The following WFDC9 variants were observed in gnomAD, a reference collection of about 807,000 sequenced individuals.
The protein encoded by WFDC9 is protein WFDC9.
Under a neutral mutation model 9.5 loss-of-function variants are expected in WFDC9, and 9 were observed. The ratio of observed to expected loss-of-function variants is 0.95; its 90% CI spans 0.57 to 1.65. The LOEUF (loss-of-function observed/expected upper bound fraction) is 1.65, where lower values mean the gene tolerates loss of function less well. WFDC9 is among the 40% of genes most tolerant of loss of function. WFDC9 has a pLI of 0.00. For missense variants in WFDC9, 87 were observed against 106.7 expected (o/e 0.82, Z 0.81); for synonymous variants, 33 against 32.3 (o/e 1.02, Z -0.07).
chr20:45,623,536 A>C (rs1269500101), intron 1 of WFDC9, among the ~76,000 whole-genome samples: 1 of 151,944 alleles, frequency 6.6e-6, no homozygotes, highest in Non-Finnish European at 1.5e-5. Flanking sequence ...TTGAGGCAGG[A>C]GAATCACTTT....
intron 1 of WFDC9, among the ~76,000 whole-genome samples, chr20:45,629,240 AAT>A (rs1367866478): frequency 6.6e-6 from 1 of 152,236 alleles, no homozygotes; most frequent in African/African-American, 2.4e-5. Context: ...AAATAAAAAT[AAT>A]ATGACATTCT....
chr20:45,614,213 A>G (rs1600918200), intron 2 of WFDC9, among the ~76,000 whole-genome samples: 1 of 152,274 alleles, frequency 6.6e-6, no homozygotes, highest in Admixed American at 6.5e-5. Context: ...CAAGTGTACT[A>G]AATGATCCCA....
chr20:45,621,229 C>T (rs1007389178), intron 1 of WFDC9, among the ~76,000 whole-genome samples: 2 of 152,208 alleles, frequency 1.3e-5, no homozygotes, highest in African/African-American at 2.4e-5. Flanking sequence ...AACAAGACAG[C>T]TCTTTCAGTA....
chr20:45,626,461 A>C (rs573665491), intron 1 of WFDC9, among the ~76,000 whole-genome samples: 13 of 152,150 alleles, frequency 8.5e-5, no homozygotes, highest in African/African-American at 2.9e-4. Context: ...TATCCTCTTC[A>C]ATTTCTTTTA....
At chr20:45,618,977 A>G (rs1982031842) in intron 1 of WFDC9, among the ~76,000 whole-genome samples, 1 of 152,180 alleles carries the variant, frequency 6.6e-6, no homozygotes, top group South Asian at 2.1e-4. Context: ...ATATGCCTGT[A>G]TGTTGAGTGC....
intron 1 of WFDC9, among the ~76,000 whole-genome samples, chr20:45,625,519 T>G (rs1982197433): frequency 6.6e-6 from 1 of 152,212 alleles, no homozygotes; most frequent in African/African-American, 2.4e-5. Context: ...GATCTTATAT[T>G]AAAAATCTTT....
At chr20:45,611,338 C>T (rs144546730) in intron 2 of WFDC9, among the ~76,000 whole-genome samples, 2 of 152,086 alleles carry the variant, frequency 1.3e-5, no homozygotes, top group South Asian at 2.1e-4. Context: ...ATAACTGGAG[C>T]TTCTGAGGGA....
At chr20:45,620,510 T>G (rs1322904985) in intron 1 of WFDC9, among the ~76,000 whole-genome samples, 1 of 152,180 alleles carries the variant, frequency 6.6e-6, no homozygotes, top group Admixed American at 6.5e-5. Context: ...GAGAATCACT[T>G]GAACCCAGGA....
intron 1 of WFDC9, among the ~76,000 whole-genome samples, chr20:45,621,326 T>G (rs1022207649): frequency 2.0e-5 from 3 of 152,232 alleles, no homozygotes; most frequent in Non-Finnish European, 4.4e-5. Flanking sequence ...ATTGGTGTTC[T>G]CTTATTCTAT....
intron 1 of WFDC9, among the ~76,000 whole-genome samples, chr20:45,623,627 C>CA (rs34393070): frequency 0.19 from 25,844 of 136,930 alleles, 2,351 homozygotes; most frequent in East Asian, 0.32. Flanking sequence ...AACTCCATCT[C>CA]AAAAAAAAAA....
At position 45,610,224 on chromosome 20, in the gene WFDC9, A is replaced by G; in HGVS notation, c.-43T>C. The stretch of plus-strand genomic sequence containing the variant: ...TTTGGGTTAAGTTCTGGCAGAAGGC[A>G]AGTCTTTTCCCAATACTGCTAGACG... On this transcript the variant is annotated 5_prime_UTR_variant, in exon 3 of 5. Coordinates refer to ENST00000326000, the MANE Select transcript of WFDC9 (RefSeq NM_147198.4). 1 of 1,567,462 alleles carries G rather than the reference A, an allele frequency of 6.4e-7. No homozygotes were observed. The highest frequency in any genetic ancestry group is 8.8e-7 in the Non-Finnish European group (1 of 1,140,036).
At chr20:45,616,153 C>A (rs540230335) in intron 1 of WFDC9, among the ~76,000 whole-genome samples, 5 of 152,334 alleles carry the variant, frequency 3.3e-5, no homozygotes, top group African/African-American at 1.2e-4. Flanking sequence ...AATAGAATTT[C>A]TTTCAAAATT....
chr20:45,611,426 G>A (rs1179896954), intron 2 of WFDC9, among the ~76,000 whole-genome samples: 2 of 152,118 alleles, frequency 1.3e-5, no homozygotes, highest in Non-Finnish European at 2.9e-5. Flanking sequence ...TTATTATATT[G>A]AGAAGATGTT....
chr20:45,616,053 G>T (rs1981969160), intron 1 of WFDC9, among the ~76,000 whole-genome samples: 1 of 152,138 alleles, frequency 6.6e-6, no homozygotes, highest in Non-Finnish European at 1.5e-5. Flanking sequence ...ATTAAAATAA[G>T]AACAATGATG....
chr20:45,613,216 A>C (rs1053386519), intron 2 of WFDC9, among the ~76,000 whole-genome samples: 1 of 152,176 alleles, frequency 6.6e-6, no homozygotes, highest in Non-Finnish European at 1.5e-5. Context: ...GGACGATGGG[A>C]ATAGTCTACA....
At chr20:45,630,780 C>A (rs552608619) in intron 1 of WFDC9, 329 of 1,382,824 alleles carry the variant, frequency 2.4e-4, no homozygotes, top group Admixed American at 4.2e-4. Flanking sequence ...TGACTGAGAC[C>A]TGGGTTCAAG....
Position 45,630,850 on chromosome 20 carries a change from C to T in WFDC9, c.-153+353G>A, listed in dbSNP as rs188622597. 5 of 1,565,558 alleles carry T rather than the reference C, an allele frequency of 3.2e-6. No individual in the cohort carries two copies. The Admixed American group carries it at 7.6e-5, about 24-fold the overall frequency. Reference sequence around the variant, plus strand: ...TCTCTAGGAAACTGCGTTTATTTACCGTTCTATTCTCCTTGTCAGAAACAC... The same window carrying T: ...TCTCTAGGAAACTGCGTTTATTTACTGTTCTATTCTCCTTGTCAGAAACAC... On this transcript the variant is annotated intron_variant, in intron 1 of 4. Coordinates refer to ENST00000326000, the MANE Select transcript of WFDC9 (RefSeq NM_147198.4).
chr20:45,629,694 T>C, intron 1 of WFDC9: 1 of 1,299,354 alleles, frequency 7.7e-7, no homozygotes, highest in Non-Finnish European at 1.1e-6. Context: ...ACTTGGCCAG[T>C]AGAGGCAGTG....
intron 1 of WFDC9, among the ~76,000 whole-genome samples, chr20:45,623,008 T>C (rs1982135190): frequency 6.6e-6 from 1 of 152,148 alleles, no homozygotes; most frequent in African/African-American, 2.4e-5. Flanking sequence ...AAGCTAAGTG[T>C]GCATGTTTGA....
Sources: gnomAD v4.1 joint callset for allele counts (sites outside exome capture counted in the v4.1 genomes callset) on GRCh38, gnomAD v4.1.1 for gene constraint, MANE v1.5 for transcripts, NCBI Gene and HGNC (gene_info 2026-07-23, HGNC 2026-07-21) for gene names.